Variants in EPHB1 observed in about 807,000 individuals in gnomAD.
The protein encoded by EPHB1 is EPH receptor B1.
EPHB1 carries 30 observed loss-of-function variants against 94.4 expected under a neutral mutation model. The observed-to-expected ratio is 0.32, with a 90% CI of 0.24 to 0.43. The LOEUF is 0.43. Ranked by LOEUF, EPHB1 falls within the 20% of genes least tolerant of loss-of-function variation. The pLI, the probability that EPHB1 is intolerant of heterozygous loss-of-function variation, is 1.00. For synonymous variants in EPHB1, 522 were observed against 489.1 expected (o/e 1.07, Z -0.89); for missense variants, 1,055 against 1,308.3 (o/e 0.81, Z 2.99).
At position 134,815,899 on chromosome 3, in the gene EPHB1, C is replaced by G. The variant is rs1419455390; in HGVS notation, c.58+20210C>G. ...CCACAGCCCCTGCCCCTAGTTTCAA[C>G]AGTTGTTGTTATTGTGCCATATTTA... On this transcript the variant is annotated intron_variant, in intron 1 of 15. Coordinates refer to ENST00000398015, the MANE Select transcript of EPHB1 (RefSeq NM_004441.5). Among the ~76,000 whole-genome samples the G allele has an allele frequency of 5.3e-5, 8 of 152,252 alleles. No individual in the cohort carries two copies. The South Asian group carries it at 1.7e-3, about 32-fold the overall frequency.
chr3:135,063,850 T>G (rs1937547091), intron 3 of EPHB1, among the ~76,000 whole-genome samples: 1 of 152,170 alleles, frequency 6.6e-6, no homozygotes. Context: ...TGGCTTTTAT[T>G]ACATTGAGGT....
chr3:134,915,598 G>T lies in EPHB1; in HGVS notation c.59-10218G>T, dbSNP rs564081203. Among the ~76,000 whole-genome samples, 116 of 152,304 alleles carry T rather than the reference G, an allele frequency of 7.6e-4. 2 individuals are homozygous for T. Among genetic ancestry groups the T allele is most frequent in the African/African-American group, 2.7e-3 (111 of 41,572 alleles). On this transcript the variant is annotated intron_variant, in intron 1 of 15. Coordinates refer to ENST00000398015, the MANE Select transcript of EPHB1 (RefSeq NM_004441.5). ...GTGTTACAGTTCTTAAAGGCGGCGT[G>T]TCTGGACTTTGTTCCTTCTGATGTT...
intron 11 of EPHB1, among the ~76,000 whole-genome samples, chr3:135,198,177 G>A (rs1191604793): frequency 1.3e-5 from 2 of 152,234 alleles, no homozygotes; most frequent in East Asian, 1.9e-4. Flanking sequence ...TCTCCACACA[G>A]CGTTTGAGGC....
chr3:135,178,224 A>AT (rs1553744896), intron 9 of EPHB1, among the ~76,000 whole-genome samples: 2 of 139,422 alleles, frequency 1.4e-5, no homozygotes, highest in Non-Finnish European at 3.0e-5. Context: ...GAGGCCGGGG[A>AT]GGGGGGGTGG....
intron 3 of EPHB1, among the ~76,000 whole-genome samples, chr3:135,095,854 G>T (rs1290365146): frequency 6.6e-6 from 1 of 152,142 alleles, no homozygotes; most frequent in African/African-American, 2.4e-5. Context: ...GTTATAGGGG[G>T]CTTATATCTT....
At chr3:134,830,006 C>G (rs1333908808) in intron 1 of EPHB1, among the ~76,000 whole-genome samples, 2 of 152,184 alleles carry the variant, frequency 1.3e-5, no homozygotes, top group Non-Finnish European at 2.9e-5. Flanking sequence ...AGATTTCTGC[C>G]TCCAGAACTG....
chr3:135,134,657 G>A (rs1420186456), intron 5 of EPHB1, among the ~76,000 whole-genome samples: 2 of 152,230 alleles, frequency 1.3e-5, no homozygotes, highest in Admixed American at 6.5e-5. Flanking sequence ...CTTACCCAAA[G>A]AAAGGAGAAT....
At chr3:134,982,571 C>T (rs1171189201) in intron 3 of EPHB1, among the ~76,000 whole-genome samples, 1 of 152,156 alleles carries the variant, frequency 6.6e-6, no homozygotes, top group East Asian at 1.9e-4. Flanking sequence ...TGCCTCAGCA[C>T]GTCTCATTAC....
chr3:135,245,805 CAAAAAA>C (rs34702210), intron 13 of EPHB1, among the ~76,000 whole-genome samples: 2 of 26,780 alleles, frequency 7.5e-5, no homozygotes, highest in Non-Finnish European at 1.6e-4. Context: ...GACACCATCT[CAAAAAA>C]AAAAAAAAAA....
intron 2 of EPHB1, among the ~76,000 whole-genome samples, chr3:134,950,930 G>T (rs1933002157): frequency 6.6e-6 from 1 of 152,162 alleles, no homozygotes; most frequent in South Asian, 2.1e-4. Flanking sequence ...CCACAATAAA[G>T]AAATTAGGTT....
In EPHB1 at chr3:134,928,831, G is replaced by A. The variant is rs547575533; in HGVS notation, c.123+2951G>A. Among the ~76,000 whole-genome samples the A allele has an allele frequency of 1.3e-4, 18 of 135,674 alleles. No homozygotes were observed. The South Asian group carries it at 2.9e-3, about 22-fold the overall frequency. The allele number at this position is 135,674 out of a possible 152,430, so 89.0% of individuals were successfully genotyped here. On this transcript the variant is annotated intron_variant, in intron 2 of 15. Coordinates refer to ENST00000398015, the MANE Select transcript of EPHB1 (RefSeq NM_004441.5). The stretch of plus-strand genomic sequence containing the variant: ...AAATAGAACCTGACCAGGAGACTGG[G>A]AAAGAGTGGGCTGGGAGCAGGAGAA...
At chr3:135,177,078 G>A (rs1942000194) in intron 9 of EPHB1, among the ~76,000 whole-genome samples, 1 of 152,120 alleles carries the variant, frequency 6.6e-6, no homozygotes, top group Non-Finnish European at 1.5e-5. Flanking sequence ...ATCAGGCACT[G>A]TGCTAGGTAT....
chr3:134,865,010 G>C (rs901069794), intron 1 of EPHB1, among the ~76,000 whole-genome samples: 2 of 152,098 alleles, frequency 1.3e-5, no homozygotes, highest in African/African-American at 2.4e-5. Flanking sequence ...TTCTCAAAAA[G>C]GTTCAAGATC....
At chr3:134,949,191 G>C (rs1398421747) in intron 2 of EPHB1, among the ~76,000 whole-genome samples, 2 of 152,154 alleles carry the variant, frequency 1.3e-5, no homozygotes, top group African/African-American at 2.4e-5. Flanking sequence ...CTGCTGCAAG[G>C]ATACTGGCAG....
chr3:134,799,516 C>G (rs927701222), intron 1 of EPHB1, among the ~76,000 whole-genome samples: 1 of 152,172 alleles, frequency 6.6e-6, no homozygotes, highest in Non-Finnish European at 1.5e-5. Flanking sequence ...GGAATGCTGG[C>G]GAGGGAGGGC....
intron 1 of EPHB1, among the ~76,000 whole-genome samples, chr3:134,840,946 A>G (rs978813593): frequency 1.7e-4 from 26 of 152,210 alleles, no homozygotes; most frequent in Non-Finnish European, 3.2e-4. Flanking sequence ...AGCAGTCTCC[A>G]GCCGGTCACT....
At chr3:134,882,650 A>G (rs917664979) in intron 1 of EPHB1, among the ~76,000 whole-genome samples, 1 of 149,874 alleles carries the variant, frequency 6.7e-6, no homozygotes, top group African/African-American at 2.5e-5. Flanking sequence ...TTCTCTTGCA[A>G]TCTTTCTCTC....
intron 3 of EPHB1, among the ~76,000 whole-genome samples, chr3:134,986,940 G>A (rs1457763161): frequency 6.6e-6 from 1 of 152,084 alleles, no homozygotes; most frequent in Non-Finnish European, 1.5e-5. Flanking sequence ...GCCCTTTTGT[G>A]TTAATAGAGT....
intron 3 of EPHB1, among the ~76,000 whole-genome samples, chr3:134,980,921 G>A (rs1456333176): frequency 6.6e-6 from 1 of 152,132 alleles, no homozygotes; most frequent in Admixed American, 6.5e-5. Flanking sequence ...ACCTTTGTGA[G>A]TGAGGAGAAG....
Sources: gnomAD v4.1 joint callset for allele counts (sites outside exome capture counted in the v4.1 genomes callset) on GRCh38, gnomAD v4.1.1 for gene constraint, MANE v1.5 for transcripts, NCBI Gene and HGNC (gene_info 2026-07-23, HGNC 2026-07-21) for gene names.